Variants in TMEM164 observed in about 807,000 individuals in gnomAD.
The protein encoded by TMEM164 is RP13-360B22.2.
Under a neutral mutation model 18.8 loss-of-function variants are expected in TMEM164, and 4 were observed. That is an observed-to-expected ratio of 0.21 (90% confidence interval 0.10 to 0.49). The LOEUF (loss-of-function observed/expected upper bound fraction) is 0.49, where lower values mean the gene tolerates loss of function less well. TMEM164 is among the 20% of genes least tolerant of loss of function. The pLI, the probability that TMEM164 is intolerant of heterozygous loss-of-function variation, is 0.98. For synonymous variants in TMEM164, 86 were observed against 101.7 expected (o/e 0.85, Z 0.93); for missense variants, 108 against 239.9 (o/e 0.45, Z 3.63).
intron 2 of TMEM164, among the ~76,000 whole-genome samples, chrX:110,009,301 ACGAAACC>A (rs1402097292): frequency 1.8e-5 from 2 of 111,890 alleles, no homozygotes; most frequent in African/African-American, 6.5e-5. Flanking sequence ...ATTCTCCTCT[ACGAAACC>A]TTTCCATAGG....
intron 3 of TMEM164, among the ~76,000 whole-genome samples, chrX:110,092,567 G>C (rs1364051988): frequency 8.9e-6 from 1 of 112,333 alleles, no homozygotes; most frequent in African/African-American, 3.2e-5. Flanking sequence ...TTTGTATCCT[G>C]AGACTTTGCT....
chrX:110,033,962 C>T lies in TMEM164; in HGVS notation c.390+29798C>T, dbSNP rs192792417. On this transcript the variant is annotated intron_variant, in intron 2 of 6. Coordinates refer to ENST00000372068, the MANE Select transcript of TMEM164 (RefSeq NM_032227.4). ...AAACTCACAAATTTGTATTCCCCCC[C>T]GCCCCACCGCCCACCCAACTTCTTT... Among the ~76,000 whole-genome samples the T allele has an allele frequency of 8.1e-5, 9 of 110,893 alleles. No homozygotes were observed. The East Asian group carries it at 1.4e-3, about 17-fold the overall frequency.
chrX:110,096,758 G>C (rs1252591148), intron 3 of TMEM164, among the ~76,000 whole-genome samples: 1 of 111,751 alleles, frequency 8.9e-6, no homozygotes, highest in Admixed American at 9.5e-5. Context: ...GTGGTCTTCT[G>C]CGTTACTCAT....
At chrX:110,165,333 T>G (rs1471256533) in intron 5 of TMEM164, among the ~76,000 whole-genome samples, 1 of 113,125 alleles carries the variant, frequency 8.8e-6, no homozygotes, top group Non-Finnish European at 1.9e-5. Context: ...TTTAATTCAT[T>G]TAAATGTAAT....
intron 4 of TMEM164, among the ~76,000 whole-genome samples, chrX:110,111,513 A>T (rs370485866): frequency 2.7e-5 from 3 of 112,151 alleles, no homozygotes; most frequent in African/African-American, 9.7e-5. Flanking sequence ...CAGCAGCTCT[A>T]TCAGATCCCA....
intron 3 of TMEM164, among the ~76,000 whole-genome samples, chrX:110,078,049 T>G (rs1030040990): frequency 8.9e-6 from 1 of 112,472 alleles, no homozygotes; most frequent in African/African-American, 3.2e-5. Context: ...CTCAAATATG[T>G]TTTCCAAGTT....
chrX:110,075,430 C>A (rs902708931), intron 3 of TMEM164, among the ~76,000 whole-genome samples: 9 of 110,889 alleles, frequency 8.1e-5, no homozygotes, highest in Non-Finnish European at 1.7e-4. Context: ...TTCTTCTTTC[C>A]TATTTGGATG....
At position 110,003,497 on chromosome X, in the gene TMEM164, T is replaced by G; in HGVS notation, c.-274-4T>G. On this transcript the variant is annotated splice_polypyrimidine_tract_variant and splice_region_variant and intron_variant, in intron 1 of 6. Coordinates refer to ENST00000372068, the MANE Select transcript of TMEM164 (RefSeq NM_032227.4). ...TTTTTTTTTTTTCCTCTCCTTCCTT[T>G]TAGATTGGCCAACGGCTCCTTTCAA... 2 of 279,144 alleles carry G rather than the reference T, an allele frequency of 7.2e-6. No homozygotes were observed. Among genetic ancestry groups the G allele is most frequent in the East Asian group, 5.3e-5 (1 of 18,706 alleles). The allele number at this position is 279,144 out of a possible 1,213,427, so 23.0% of individuals were successfully genotyped here. A position where few individuals can be genotyped will look rare whatever the true frequency, so the allele number is the denominator to read the frequency against.
chrX:110,008,696 T>G (rs1481459381), intron 2 of TMEM164, among the ~76,000 whole-genome samples: 5 of 111,580 alleles, frequency 4.5e-5, no homozygotes, highest in Non-Finnish European at 9.4e-5. Flanking sequence ...GATTTAAAAT[T>G]ATGATGCTAG....
intron 2 of TMEM164, among the ~76,000 whole-genome samples, chrX:110,004,428 C>T (rs1461365783): frequency 9.0e-6 from 1 of 111,140 alleles, no homozygotes; most frequent in East Asian, 2.8e-4. Flanking sequence ...CCCTCCCTTC[C>T]AGCCCAGCCC....
At chrX:110,047,844 G>A (rs182583390) in intron 2 of TMEM164, among the ~76,000 whole-genome samples, 124 of 111,994 alleles carry the variant, frequency 1.1e-3, no homozygotes, top group African/African-American at 3.9e-3. Context: ...TTAATGTGAA[G>A]TAGAGTAGAA....
chrX:110,076,006 ATTTTT>A (rs56696213), intron 3 of TMEM164, among the ~76,000 whole-genome samples: 1 of 73,752 alleles, frequency 1.4e-5, no homozygotes, highest in Non-Finnish European at 2.7e-5. Flanking sequence ...CTCCTCCTTG[ATTTTT>A]TTTTTTTTTT....
In TMEM164 at chrX:110,037,461, G is replaced by A. The variant is rs1934863523; in HGVS notation, c.391-29886G>A. Among the ~76,000 whole-genome samples the A allele has an allele frequency of 4.5e-5, 5 of 111,904 alleles. No individual in the cohort carries two copies. In the Admixed American group the frequency reaches 4.7e-4, roughly 11 times the overall value. ...ACTCCATCAAAACCCAGCCACATCA[G>A]AAAACACAAATGATTTATTTTTGCA... On this transcript the variant is annotated intron_variant, in intron 2 of 6. Coordinates refer to ENST00000372068, the MANE Select transcript of TMEM164 (RefSeq NM_032227.4).
chrX:110,057,572 CTA>C (rs1935903687), intron 2 of TMEM164, among the ~76,000 whole-genome samples: 1 of 76,708 alleles, frequency 1.3e-5, no homozygotes, highest in Admixed American at 1.6e-4. Context: ...TTTTTTGAAA[CTA>C]TACTATTTTT....
chrX:110,136,101 C>T (rs1429337659), intron 4 of TMEM164, among the ~76,000 whole-genome samples: 1 of 111,732 alleles, frequency 8.9e-6, no homozygotes, highest in Non-Finnish European at 1.9e-5. Context: ...AACCTAAGAA[C>T]GGTACCCCCT....
At chrX:110,133,393 C>T (rs1309884407) in intron 4 of TMEM164, among the ~76,000 whole-genome samples, 1 of 111,904 alleles carries the variant, frequency 8.9e-6, no homozygotes, top group Non-Finnish European at 1.9e-5. Flanking sequence ...TCAGGTGATC[C>T]ACATGCCTCA....
At chrX:110,024,388 G>A (rs1934083012) in intron 2 of TMEM164, among the ~76,000 whole-genome samples, 1 of 110,148 alleles carries the variant, frequency 9.1e-6, no homozygotes. Flanking sequence ...GGACTCAAGA[G>A]TTCTTCCACC....
chrX:110,138,739 T>G (rs1004822534), intron 4 of TMEM164, among the ~76,000 whole-genome samples: 2 of 112,010 alleles, frequency 1.8e-5, no homozygotes, highest in East Asian at 5.6e-4. Flanking sequence ...GACTAGTATT[T>G]CTAGTTGTGC....
rs2067289034 is a variant in TMEM164 at position 110,176,310 on chromosome X, C to T, written c.*2859C>T. 7.9e-6 allele frequency: 6 copies of T among 756,414 alleles called. No homozygotes were observed. In the South Asian group the frequency reaches 2.0e-4, roughly 25 times the overall value. 62.3% of individuals were successfully genotyped at this position (756,414 alleles called of 1,213,427 possible). A position where few individuals can be genotyped will look rare whatever the true frequency, so the allele number is the denominator to read the frequency against. ...ACGCCTGCTTCTGGTCCTCCCTGCC[C>T]TCAGTATTTGGTTTTGTACACCAAA... On this transcript the variant is annotated 3_prime_UTR_variant, in exon 7 of 7. Transcript: ENST00000372068.
Sources: gnomAD v4.1 joint callset for allele counts (sites outside exome capture counted in the v4.1 genomes callset) on GRCh38, gnomAD v4.1.1 for gene constraint, MANE v1.5 for transcripts, NCBI Gene and HGNC (gene_info 2026-07-23, HGNC 2026-07-21) for gene names.